Variants in DNAH17 observed in about 807,000 individuals in gnomAD.
DNAH17 encodes the protein dynein axonemal heavy chain 17.
Under a neutral mutation model 485.6 loss-of-function variants are expected in DNAH17, and 376 were observed. The observed-to-expected ratio is 0.77, with a 90% CI of 0.71 to 0.84. The LOEUF is 0.84. Among genes scored for constraint, DNAH17 ranks in the 40% least tolerant of loss-of-function variants. The pLI, the probability that DNAH17 is intolerant of heterozygous loss-of-function variation, is 0.00. For missense variants in DNAH17, 6,370 were observed against 5,839.3 expected (o/e 1.09, Z -2.96); for synonymous variants, 3,031 against 2,405.9 (o/e 1.26, Z -7.60).
chr17:78,567,927 T>G (rs1416614204), intron 9 of DNAH17, among the ~76,000 whole-genome samples: 1 of 152,146 alleles, frequency 6.6e-6, no homozygotes, highest in Admixed American at 6.6e-5. Flanking sequence ...CAGGCAGAGT[T>G]TAGACTGGAG....
At chr17:78,485,523 G>A in intron 47 of DNAH17, 27 bp downstream of exon 47, 1 of 1,544,066 alleles carries the variant, frequency 6.5e-7, no homozygotes, top group Non-Finnish European at 8.7e-7. Flanking sequence ...CAGCCGGGTA[G>A]GCAGGGCGTG....
intron 9 of DNAH17, among the ~76,000 whole-genome samples, chr17:78,568,238 C>T (rs1384957876): frequency 6.6e-6 from 1 of 152,128 alleles, no homozygotes; most frequent in Non-Finnish European, 1.5e-5. Flanking sequence ...CAAAGTGTGA[C>T]TGTGACTCTC....
Position 78,563,770 on chromosome 17 carries a change from GACA to G in DNAH17, c.1570-1793_1570-1791del, listed in dbSNP as rs1275230750. On this transcript the variant is annotated intron_variant, in intron 11 of 80. Coordinates refer to ENST00000389840, the MANE Select transcript of DNAH17 (RefSeq NM_173628.4). ...TCCGGAACAGGCAGGGGCTGGAAGG[GACA>G]ACAAGGGAGAGAAACCCCAGGGCCC... is the stretch of plus-strand genomic sequence containing the variant. Among the ~76,000 whole-genome samples, 3 of 129,770 alleles carry G rather than the reference GACA, an allele frequency of 2.3e-5. No homozygotes were observed. In the East Asian group the frequency reaches 5.8e-4, roughly 25 times the overall value. 85.1% of individuals were successfully genotyped at this position (129,770 alleles called of 152,430 possible).
At chr17:78,501,714 C>G (rs775210388) in intron 34 of DNAH17, 28 bp downstream of exon 34, 6 of 1,607,884 alleles carry the variant, frequency 3.7e-6, no homozygotes, top group Non-Finnish European at 5.1e-6. Flanking sequence ...TGCCCTTCCC[C>G]TGGCCCCTGG....
rs755384104 is a variant in DNAH17, at chr17:78,543,914, G to A, written c.2475C>T (p.Leu825=). The stretch of plus-strand genomic sequence containing the variant: ...CCCTGACTGCTGCGTAGCGCTTGTT[G>A]AGGTTGGCAATTCTTCCATCCAAGT... ...LLDLDGRIAN[L]NKRYAAVRDA... Residue 825 remains leucine, a synonymous_variant, in exon 17 of 81, where the codon CTC becomes CTT. Transcript: ENST00000389840. 7 of 1,614,042 alleles carry A rather than the reference G, an allele frequency of 4.3e-6. No individual in the cohort carries two copies. The highest frequency in any genetic ancestry group is 1.7e-5 in the Admixed American group (1 of 60,020).
At chr17:78,565,057 T>G (rs1453484583) in intron 11 of DNAH17, among the ~76,000 whole-genome samples, 1 of 152,202 alleles carries the variant, frequency 6.6e-6, no homozygotes, top group Non-Finnish European at 1.5e-5. Flanking sequence ...AATCTTGAAG[T>G]TGGTTTAGCT....
rs774128924 is a variant in DNAH17 at position 78,459,000 on chromosome 17, C to T, written c.9861+1G>A. On this transcript the variant is annotated splice_donor_variant, in intron 61 of 80. Coordinates refer to ENST00000389840, the MANE Select transcript of DNAH17 (RefSeq NM_173628.4). LOFTEE classifies it high-confidence loss of function. ...AGGGACGGGAGCGAGCCGGCACTTACGGCAATCTTGTTTTTGATCCGGGAC... is the reference window on the plus strand; with the variant it reads ...AGGGACGGGAGCGAGCCGGCACTTATGGCAATCTTGTTTTTGATCCGGGAC... 3.7e-6 allele frequency: 6 copies of T among 1,613,972 alleles called. No individual in the cohort carries two copies. The highest frequency in any genetic ancestry group is 3.3e-5 in the South Asian group (3 of 91,084).
rs189813449 is a variant in DNAH17, at chr17:78,450,448, G to T, written c.10900-54C>A. ...ACACAGCAGATGGGCAGTGCCATGA[G>T]CAGGTGGGCTCATTCCCAGCCACCA... On this transcript the variant is annotated intron_variant, in intron 67 of 80. Coordinates refer to ENST00000389840, the MANE Select transcript of DNAH17 (RefSeq NM_173628.4). 1.0e-4 allele frequency: 167 copies of T among 1,601,432 alleles called. 1 individual carries two copies. The East Asian group carries it at 3.4e-3, about 33-fold the overall frequency.
chr17:78,504,123 T>C (rs527921609), intron 31 of DNAH17, among the ~76,000 whole-genome samples: 1 of 151,516 alleles, frequency 6.6e-6, no homozygotes, highest in Admixed American at 6.6e-5. Context: ...TGGAGTGTAG[T>C]GGCGTGATCT....
chr17:78,572,946 C>G (rs2092381395), intron 2 of DNAH17, 52 bp from the exon 3 acceptor site: 1 of 1,543,328 alleles, frequency 6.5e-7, no homozygotes, highest in Non-Finnish European at 8.8e-7. Flanking sequence ...ACCAGCTCGG[C>G]AACCGCACAG....
In DNAH17 at chr17:78,530,532, G is replaced by T; in HGVS notation, c.3115-20C>A. 2 of 1,592,398 alleles carry T rather than the reference G, an allele frequency of 1.3e-6. No homozygotes were observed. The highest frequency in any genetic ancestry group is 1.7e-6 in the Non-Finnish European group (2 of 1,166,128). On this transcript the variant is annotated intron_variant, in intron 20 of 80. Coordinates refer to ENST00000389840, the MANE Select transcript of DNAH17 (RefSeq NM_173628.4). ...GTCGATCTGGAAAACACGGCCACCG[G>T]CGGCCTGTCATAGCCTGCAAGCCTA...
intron 48 of DNAH17, among the ~76,000 whole-genome samples, chr17:78,482,642 C>T (rs769276106): frequency 2.0e-4 from 30 of 152,178 alleles, no homozygotes; most frequent in Admixed American, 1.4e-3. Flanking sequence ...TTCTGCCCAC[C>T]TCACAGCTCA....
intron 26 of DNAH17, among the ~76,000 whole-genome samples, chr17:78,511,171 C>T (rs2090627163): frequency 6.6e-6 from 1 of 152,172 alleles, no homozygotes; most frequent in African/African-American, 2.4e-5. Context: ...GGCTGGAGTG[C>T]ATCTTGGCTC....
rs541896131 is a variant in DNAH17, at chr17:78,442,804, G to T, written c.11529-1605C>A. On this transcript the variant is annotated intron_variant, in intron 71 of 80. Coordinates refer to ENST00000389840, the MANE Select transcript of DNAH17 (RefSeq NM_173628.4). ...GTGCGTCAGGGTTTGTGTTGCGCAC[G>T]TGGGGGTGGCCTGGCCTGCCCTCCC... Among the ~76,000 whole-genome samples, 5 of 152,332 alleles carry T rather than the reference G, an allele frequency of 3.3e-5. No individual in the cohort carries two copies. In the South Asian group the frequency reaches 1.0e-3, roughly 32 times the overall value.
rs530283089 is a variant in DNAH17, at chr17:78,431,810, G to A, written c.12225+2219C>T. On this transcript the variant is annotated intron_variant, in intron 75 of 80. Coordinates refer to ENST00000389840, the MANE Select transcript of DNAH17 (RefSeq NM_173628.4). ...AGCCGCTGATGTACATGGTACTCGC[G>A]CGGCTTCTCAGCAGCTTAGAAGCTG... 3.9e-5 allele frequency among the ~76,000 whole-genome samples: 6 copies of A among 152,228 alleles called. No homozygotes were observed. In the East Asian group the frequency reaches 9.7e-4, roughly 25 times the overall value.
intron 54 of DNAH17, among the ~76,000 whole-genome samples, chr17:78,470,933 T>G (rs2088719736): frequency 6.6e-6 from 1 of 152,240 alleles, no homozygotes; most frequent in South Asian, 2.1e-4. Flanking sequence ...TGAAAAGTTT[T>G]TTTTAAAGCA....
At chr17:78,568,070 G>A (rs1169854756) in intron 9 of DNAH17, among the ~76,000 whole-genome samples, 1 of 152,156 alleles carries the variant, frequency 6.6e-6, no homozygotes, top group Non-Finnish European at 1.5e-5. Context: ...AGGAGCTCTT[G>A]GCTCTTCCAC....
chr17:78,478,623 T>C (rs1310027105), intron 51 of DNAH17, among the ~76,000 whole-genome samples: 4 of 110,398 alleles, frequency 3.6e-5, no homozygotes, highest in African/African-American at 1.8e-4. Flanking sequence ...ATCACCCCCA[T>C]TATTATAATC....
chr17:78,456,543 A>G (rs538461985), intron 62 of DNAH17, among the ~76,000 whole-genome samples: 16 of 152,270 alleles, frequency 1.1e-4, no homozygotes, highest in Admixed American at 7.8e-4. Flanking sequence ...CCACAGAACA[A>G]TGTGGCATCC....
Sources: allele counts gnomAD v4.1 joint callset (sites outside exome capture counted in the v4.1 genomes callset), GRCh38; gene constraint gnomAD v4.1.1; transcripts MANE v1.5; gene names NCBI Gene and HGNC (gene_info 2026-07-23, HGNC 2026-07-21).